MALRD1: variants seen among roughly 807,000 people sequenced by gnomAD.
The protein encoded by MALRD1 is MAM and LDL receptor class A domain containing 1.
In MALRD1, 247 loss-of-function variants were observed where a neutral mutation model predicts 242.1. The ratio of observed to expected loss-of-function variants is 1.02; its 90% CI spans 0.92 to 1.13. The LOEUF is 1.13. Among genes scored for constraint, MALRD1 ranks in the 50% most tolerant of loss-of-function variants. The probability of loss-of-function intolerance (pLI) is 0.00; values close to 1 mark genes in which losing one functional copy is unlikely to be tolerated. For missense variants in MALRD1, 2,989 were observed against 2,533.1 expected, an observed-to-expected ratio of 1.18 and a Z score of -3.86; for synonymous variants, 995 against 866.6, an observed-to-expected ratio of 1.15 and a Z score of -2.60.
At chr10:19,394,818 T>C (rs1846508642) in intron 28 of MALRD1, among the ~76,000 whole-genome samples, 1 of 152,226 alleles carries the variant, frequency 6.6e-6, no homozygotes, top group African/African-American at 2.4e-5. Flanking sequence ...TTAGGGATAC[T>C]CATCCTGTAA....
intron 14 of MALRD1, among the ~76,000 whole-genome samples, chr10:19,188,413 GTGAT>G (rs1835829870): frequency 6.6e-6 from 1 of 152,126 alleles, no homozygotes; most frequent in African/African-American, 2.4e-5. Flanking sequence ...GGATAATTCT[GTGAT>G]TGTATATCTG....
In MALRD1 at chr10:19,491,612, G is replaced by T; in HGVS notation, c.5125G>T (p.Asp1709Tyr). 6.5e-7 allele frequency: 1 copy of T among 1,550,062 alleles called. No individual in the cohort carries two copies. The highest frequency in any genetic ancestry group is 1.2e-5 in the South Asian group (1 of 84,042). The change falls in exon 30 of 40, where the codon GAC becomes TAC. Residue 1709 changes from aspartate (D) to tyrosine (Y), a missense_variant. Transcript: ENST00000454679. ...ASHLLCDYKP[D>Y]CSDRSDEAHC... ...CCACCTTCTTTGTGACTATAAGCCAGACTGCTCTGATAGGTCTGATGAAGC... is the reference window on the plus strand; with the variant it reads ...CCACCTTCTTTGTGACTATAAGCCATACTGCTCTGATAGGTCTGATGAAGC...
At chr10:19,270,807 AACAC>A (rs71387059) in intron 19 of MALRD1, among the ~76,000 whole-genome samples, 5,908 of 145,080 alleles carry the variant, frequency 0.041, 134 homozygotes, top group Middle Eastern at 0.053. Context: ...TTCAAAGGAT[AACAC>A]ACACACACAC....
intron 33 of MALRD1, among the ~76,000 whole-genome samples, chr10:19,583,342 A>T (rs1837225687): frequency 6.7e-6 from 1 of 149,756 alleles, no homozygotes; most frequent in African/African-American, 2.5e-5. Context: ...CCCATTCAGT[A>T]TGATATTGGC....
chr10:19,320,524 T>C (rs1037455234), intron 21 of MALRD1, among the ~76,000 whole-genome samples: 65 of 152,206 alleles, frequency 4.3e-4, no homozygotes, highest in Non-Finnish European at 8.8e-5. Flanking sequence ...AGTGCTGCAA[T>C]AAACATACAT....
intron 34 of MALRD1, among the ~76,000 whole-genome samples, chr10:19,600,910 A>G (rs1376716191): frequency 6.6e-6 from 1 of 152,086 alleles, no homozygotes; most frequent in Non-Finnish European, 1.5e-5. Context: ...TTTGAGACAG[A>G]GTCTCACTCT....
chr10:19,136,044 CA>C (rs1833323038), intron 9 of MALRD1, among the ~76,000 whole-genome samples: 1 of 152,158 alleles, frequency 6.6e-6, no homozygotes, highest in African/African-American at 2.4e-5. Flanking sequence ...TATTCCCTTA[CA>C]TTTTTTTATT....
chr10:19,277,299 CTCATTTACTTAACAATCTATTAA>C, intron 19 of MALRD1, among the ~76,000 whole-genome samples: 1 of 152,260 alleles, frequency 6.6e-6, no homozygotes, highest in South Asian at 2.1e-4. Flanking sequence ...GAATAGAATG[CTCATTTACTTAACAATCTATTAA>C]TCATTTCAAA....
chr10:19,398,818 T>C (rs1194786475), intron 28 of MALRD1, among the ~76,000 whole-genome samples: 1 of 152,194 alleles, frequency 6.6e-6, no homozygotes, highest in Non-Finnish European at 1.5e-5. Flanking sequence ...GTTTCTAAAA[T>C]TTGAGATACA....
Position 19,165,777 on chromosome 10 carries a change from T to C in MALRD1, c.1797T>C (p.Ile599=). 1 of 1,231,670 alleles carries C rather than the reference T, an allele frequency of 8.1e-7. No homozygotes were observed. Among genetic ancestry groups the C allele is most frequent in the Non-Finnish European group, 1.0e-6 (1 of 987,956 alleles). The allele number at this position is 1,231,670 out of a possible 1,614,324, so 76.3% of individuals were successfully genotyped here. The part of the protein sequence containing the change: ...SQWSHAKIDL[I]AEAGESTLPF... ...GGAGCCACGCAAAAATTGATCTCAT[T>C]GCAGAAGCGGGAGAATCTACTCTAC... is the stretch of plus-strand genomic sequence containing the variant. The change falls in exon 13 of 40, where the codon ATT becomes ATC. Residue 599 remains isoleucine (I), a synonymous_variant. Coordinates refer to ENST00000454679, the MANE Select transcript of MALRD1 (RefSeq NM_001142308.3).
At chr10:19,695,080 G>A (rs896940686) in intron 38 of MALRD1, among the ~76,000 whole-genome samples, 1 of 152,058 alleles carries the variant, frequency 6.6e-6, no homozygotes, top group Non-Finnish European at 1.5e-5. Context: ...CATGGGGTGG[G>A]GCTAGTGGGG....
At chr10:19,149,892 G>A (rs1468398518) in intron 11 of MALRD1, among the ~76,000 whole-genome samples, 1 of 152,100 alleles carries the variant, frequency 6.6e-6, no homozygotes, top group African/African-American at 2.4e-5. Context: ...TCTAGCCCTA[G>A]TGTATGCCTG....
intron 14 of MALRD1, among the ~76,000 whole-genome samples, chr10:19,183,098 A>G (rs866059241): frequency 6.9e-6 from 1 of 145,910 alleles, no homozygotes; most frequent in African/African-American, 2.5e-5. Context: ...CCAGTTCTCT[A>G]AAGTCTTATT....
chr10:19,648,903 C>A (rs1445151893), intron 36 of MALRD1, among the ~76,000 whole-genome samples: 1 of 152,152 alleles, frequency 6.6e-6, no homozygotes, highest in African/African-American at 2.4e-5. Context: ...TCACCCACCT[C>A]AAGTAGACCC....
At chr10:19,588,981 A>G (rs969062155) in intron 33 of MALRD1, among the ~76,000 whole-genome samples, 4 of 152,328 alleles carry the variant, frequency 2.6e-5, no homozygotes. Flanking sequence ...GCTGAAACCC[A>G]TGCTAGCTGA....
chr10:19,589,910 C>T (rs561728431), intron 33 of MALRD1, among the ~76,000 whole-genome samples: 1 of 152,276 alleles, frequency 6.6e-6, no homozygotes, highest in Non-Finnish European at 1.5e-5. Flanking sequence ...CTCTTCTACA[C>T]AGTAATTGTC....
At chr10:19,449,405 G>T (rs1835187538) in intron 28 of MALRD1, among the ~76,000 whole-genome samples, 1 of 152,168 alleles carries the variant, frequency 6.6e-6, no homozygotes, top group Admixed American at 6.5e-5. Context: ...TCAATCTCTT[G>T]ATCTTGTGAT....
chr10:19,449,684 A>C (rs1835212965), intron 28 of MALRD1, among the ~76,000 whole-genome samples: 1 of 152,164 alleles, frequency 6.6e-6, no homozygotes, highest in African/African-American at 2.4e-5. Flanking sequence ...TGAAGAACAA[A>C]GAGAAGATTG....
At chr10:19,700,265 A>G (rs1460973482) in intron 38 of MALRD1, among the ~76,000 whole-genome samples, 1 of 152,168 alleles carries the variant, frequency 6.6e-6, no homozygotes, top group Non-Finnish European at 1.5e-5. Flanking sequence ...AGAGAGGGGC[A>G]TGCTTCAGAG....
Sources: gnomAD v4.1 joint callset for allele counts (sites outside exome capture counted in the v4.1 genomes callset) on GRCh38, gnomAD v4.1.1 for gene constraint, MANE v1.5 for transcripts, NCBI Gene and HGNC (gene_info 2026-07-23, HGNC 2026-07-21) for gene names.